Variants in CDH8 observed in about 807,000 individuals in gnomAD.
CDH8 encodes the protein cadherin 8.
Under a neutral mutation model 68.1 loss-of-function variants are expected in CDH8, and 17 were observed. That is an observed-to-expected ratio of 0.25 (90% CI 0.17 to 0.37). The LOEUF (loss-of-function observed/expected upper bound fraction) is 0.37. Among genes scored for constraint, CDH8 ranks in the 10% least tolerant of loss-of-function variants. The probability of loss-of-function intolerance (pLI) is 1.00; values close to 1 mark genes in which losing one functional copy is unlikely to be tolerated. For missense variants in CDH8, 763 were observed against 999.3 expected, an observed-to-expected ratio of 0.76 and a Z score of 3.19; for synonymous variants, 372 against 365.1, an observed-to-expected ratio of 1.02 and a Z score of -0.21.
At chr16:61,984,965 A>G (rs1368682725) in intron 2 of CDH8, among the ~76,000 whole-genome samples, 1 of 152,194 alleles carries the variant, frequency 6.6e-6, no homozygotes, top group Non-Finnish European at 1.5e-5. Flanking sequence ...GTTTCTATAT[A>G]TGCATGGTCT....
At chr16:62,033,593 A>C (rs939351051) in intron 1 of CDH8, among the ~76,000 whole-genome samples, 4 of 152,368 alleles carry the variant, frequency 2.6e-5, no homozygotes, top group Admixed American at 6.5e-5. Context: ...GTAATGTAAG[A>C]ACCAATTTGC....
Position 61,871,243 on chromosome 16 carries a change from C to G in CDH8, c.548-14005G>C, listed in dbSNP as rs115901750. On this transcript the variant is annotated intron_variant, in intron 3 of 11. Transcript: ENST00000577390. ...GTTATCCAAACTGAGTGCCGTGGTA[C>G]CATAACAACTCACTGCAGCCTCGAC... Among the ~76,000 whole-genome samples, 1,369 of 151,846 alleles carry G rather than the reference C, an allele frequency of 9.0e-3. 24 individuals are homozygous for G. The highest frequency in any genetic ancestry group is 0.031 in the African/African-American group (1,269 of 41,432).
chr16:61,691,732 A>C (rs1964227364), intron 10 of CDH8: 1 of 132,562 alleles, frequency 7.5e-6, no homozygotes, highest in South Asian at 2.1e-4. Flanking sequence ...TAAAAGGTTA[A>C]AAAAAAAAAG....
At chr16:61,993,020 A>G (rs984513359) in intron 2 of CDH8, among the ~76,000 whole-genome samples, 1 of 152,182 alleles carries the variant, frequency 6.6e-6, no homozygotes, top group Admixed American at 6.5e-5. Flanking sequence ...ACTGGGCTCA[A>G]GCAATCCTCC....
At chr16:61,825,291 G>T (rs1962304873) in intron 4 of CDH8, 112 bp from the exon 5 acceptor site, 2 of 744,974 alleles carry the variant, frequency 2.7e-6, no homozygotes, top group Non-Finnish European at 2.1e-6. Context: ...TCCCTAGTCA[G>T]ATAATTTTCT....
intron 2 of CDH8, among the ~76,000 whole-genome samples, chr16:61,909,138 A>T (rs1011625586): frequency 7.2e-5 from 11 of 152,140 alleles, no homozygotes; most frequent in African/African-American, 1.4e-4. Context: ...TATGGCAGGC[A>T]AATGTGTAGC....
chr16:61,935,574 A>G (rs1354874252), intron 2 of CDH8, among the ~76,000 whole-genome samples: 6 of 152,042 alleles, frequency 3.9e-5, no homozygotes, highest in South Asian at 2.1e-4. Context: ...GAAGGAAGAA[A>G]CCTCCCATTT....
chr16:61,885,263 G>C (rs1278056059), intron 3 of CDH8, among the ~76,000 whole-genome samples: 1 of 152,092 alleles, frequency 6.6e-6, no homozygotes, highest in Non-Finnish European at 1.5e-5. Flanking sequence ...TTTTTATTTG[G>C]GTGCTGGGTA....
chr16:62,004,844 T>C (rs549900688), intron 2 of CDH8, among the ~76,000 whole-genome samples: 1 of 152,352 alleles, frequency 6.6e-6, no homozygotes, highest in African/African-American at 2.4e-5. Flanking sequence ...CAATCTCTCT[T>C]AGCCCAAGCC....
At chr16:61,975,865 A>G (rs953533710) in intron 2 of CDH8, among the ~76,000 whole-genome samples, 1 of 152,160 alleles carries the variant, frequency 6.6e-6, no homozygotes, top group Non-Finnish European at 1.5e-5. Context: ...CCAATGTCCT[A>G]TGATTTCCAT....
intron 8 of CDH8, among the ~76,000 whole-genome samples, chr16:61,771,494 CT>C (rs1037519316): frequency 5.6e-5 from 6 of 107,896 alleles, no homozygotes; most frequent in African/African-American, 1.7e-4. Flanking sequence ...AAAAAAAAAA[CT>C]TTTTTTTAAC....
intron 7 of CDH8, among the ~76,000 whole-genome samples, chr16:61,816,756 CA>C (rs1252007305): frequency 6.7e-6 from 1 of 148,494 alleles, no homozygotes; most frequent in Non-Finnish European, 1.5e-5. Flanking sequence ...AAGATGTGTA[CA>C]GTACAACAGA....
chr16:61,879,080 T>G (rs1963518239), intron 3 of CDH8, among the ~76,000 whole-genome samples: 1 of 152,192 alleles, frequency 6.6e-6, no homozygotes, highest in Non-Finnish European at 1.5e-5. Flanking sequence ...GTGAATCTTA[T>G]ATTTCATTGT....
At chr16:61,719,361 A>G (rs978906544) in intron 9 of CDH8, among the ~76,000 whole-genome samples, 2 of 151,066 alleles carry the variant, frequency 1.3e-5, no homozygotes, top group Non-Finnish European at 3.0e-5. Flanking sequence ...TGGGTTTTTC[A>G]TTCACTTTAC....
At chr16:61,845,958 G>A (rs1962797900) in intron 4 of CDH8, among the ~76,000 whole-genome samples, 1 of 151,860 alleles carries the variant, frequency 6.6e-6, no homozygotes, top group Admixed American at 6.6e-5. Flanking sequence ...ATTGCAAGGG[G>A]AAAAAAAGGT....
At chr16:61,951,029 AC>A (rs1199388089) in intron 2 of CDH8, among the ~76,000 whole-genome samples, 3 of 151,962 alleles carry the variant, frequency 2.0e-5, no homozygotes, top group Non-Finnish European at 2.9e-5. Flanking sequence ...CTGTACACTT[AC>A]CCCCGAACCT....
At chr16:61,664,829 C>T (rs1310868087) in intron 10 of CDH8, among the ~76,000 whole-genome samples, 1 of 151,912 alleles carries the variant, frequency 6.6e-6, no homozygotes, top group Admixed American at 6.6e-5. Flanking sequence ...CAGAGAGGGG[C>T]ACACAGATTG....
In CDH8 at chr16:61,655,479, A is replaced by G. The variant is rs1963423700; in HGVS notation, c.1897T>C (p.Leu633=). 1.2e-6 allele frequency: 2 copies of G among 1,614,024 alleles called. No homozygotes were observed. The highest frequency in any genetic ancestry group is 2.2e-5 in the South Asian group (2 of 91,094). The change falls in exon 11 of 12, where the codon TTG becomes CTG. Residue 633 remains leucine, a synonymous_variant. Coordinates refer to ENST00000577390, the MANE Select transcript of CDH8 (RefSeq NM_001796.5). ...TGAAGGAAATACGTACCTAACAGCA[A>G]AATGATGCATGCTAATATGGCAATT... ...ALIAILACII[L]LLVIVVLFVT...
intron 4 of CDH8, among the ~76,000 whole-genome samples, chr16:61,848,116 GA>G (rs985174421): frequency 1.3e-5 from 2 of 151,950 alleles, no homozygotes; most frequent in African/African-American, 4.8e-5. Context: ...ATCACTATAG[GA>G]ACCAAATATA....
Sources: gnomAD v4.1 joint callset for allele counts (sites outside exome capture counted in the v4.1 genomes callset) on GRCh38, gnomAD v4.1.1 for gene constraint, MANE v1.5 for transcripts, NCBI Gene and HGNC (gene_info 2026-07-23, HGNC 2026-07-21) for gene names.